The following ARAP3 variants were observed in gnomAD, a reference collection of about 807,000 sequenced individuals.
ARAP3 encodes ArfGAP with RhoGAP domain, ankyrin repeat and PH domain 3.
ARAP3 carries 82 observed loss-of-function variants against 169.2 expected under a neutral mutation model. The ratio of observed to expected loss-of-function variants is 0.48; its 90% confidence interval spans 0.41 to 0.58. ARAP3 has a LOEUF of 0.58. ARAP3 is among the 20% of genes least tolerant of loss of function. ARAP3 has a pLI of 0.00. For missense variants in ARAP3, 1,764 were observed against 2,018.0 expected (o/e 0.87, Z 2.41); for synonymous variants, 791 against 800.3 (o/e 0.99, Z 0.20).
At chr5:141,677,777 GTTTT>G (rs1004061457) in intron 4 of ARAP3, among the ~76,000 whole-genome samples, 1 of 140,016 alleles carries the variant, frequency 7.1e-6, no homozygotes, top group Non-Finnish European at 1.6e-5. Context: ...TTTTGTTTTT[GTTTT>G]TTTTGTTTTT....
chr5:141,658,489 G>C lies in ARAP3; in HGVS notation c.3412-10C>G. 1 of 1,614,070 alleles carries C rather than the reference G, an allele frequency of 6.2e-7. No homozygotes were observed. Among genetic ancestry groups the C allele is most frequent in the Non-Finnish European group, 8.5e-7 (1 of 1,179,968 alleles). On this transcript the variant is annotated splice_polypyrimidine_tract_variant and intron_variant, in intron 24 of 32. Coordinates refer to ENST00000239440, the MANE Select transcript of ARAP3 (RefSeq NM_022481.6). ...TCAGGGTTGGGGACACCTGGGGTCA[G>C]GGCAAGAGCAGAGAATTCATGCTGG...
Position 141,672,637 on chromosome 5 carries a change from T to A in ARAP3, c.1300A>T (p.Ile434Phe). The change falls in exon 9 of 33, where the codon ATC becomes TTC. Residue 434 changes from isoleucine to phenylalanine, a missense_variant. By Grantham distance (21) the Ile-to-Phe change is conservative. Transcript: ENST00000239440. This position sits in a 1 kb window ranked among gnomAD's most constrained non-coding sequence, Gnocchi z 4.9. Reference sequence around the variant, plus strand: ...CAGCCCTGCAGTTCGATGAAGCAGATCCCGATGCCCAGAGAGAAGGCCTGG... The same window carrying A: ...CAGCCCTGCAGTTCGATGAAGCAGAACCCGATGCCCAGAGAGAAGGCCTGG... ...SEQAFSLGIG[I>F]CFIELQGCSV... 1 of 1,613,888 alleles carries A rather than the reference T, an allele frequency of 6.2e-7. No homozygotes were observed. Among genetic ancestry groups the A allele is most frequent in the Non-Finnish European group, 8.5e-7 (1 of 1,179,868 alleles).
At chr5:141,673,309 A>G (rs2099911696) in intron 6 of ARAP3, 92 bp downstream of exon 6, 1 of 1,556,552 alleles carries the variant, frequency 6.4e-7, no homozygotes, top group Non-Finnish European at 8.8e-7. Context: ...CCCCGCCCAC[A>G]CACACAATGG....
rs575490176 is a variant in ARAP3, at chr5:141,675,681, C to A, written c.699-1873G>T. On this transcript the variant is annotated intron_variant, in intron 4 of 32. Transcript: ENST00000239440. ...GAGGTTGCAGTGAGCAGAGATCGAG[C>A]CACTGTACTCCAGCCTGGGCAACAG... 1.3e-4 allele frequency among the ~76,000 whole-genome samples: 19 copies of A among 151,974 alleles called. No individual in the cohort carries two copies. The South Asian group carries it at 3.7e-3, about 30-fold the overall frequency.
chr5:141,673,825 C>T lies in ARAP3; in HGVS notation c.699-17G>A. The T allele has an allele frequency of 6.2e-7, 1 of 1,612,942 alleles. No homozygotes were observed. Among genetic ancestry groups the T allele is most frequent in the South Asian group, 1.1e-5 (1 of 91,008 alleles). The stretch of plus-strand genomic sequence containing the variant: ...CTGCTGAGCCTTGTGGGGGCCAAGA[C>T]AGGGAGGGACACACATTAGACAAGT... On this transcript the variant is annotated splice_polypyrimidine_tract_variant and intron_variant, in intron 4 of 32. Coordinates refer to ENST00000239440, the MANE Select transcript of ARAP3 (RefSeq NM_022481.6).
chr5:141,658,770 C>T lies in ARAP3; in HGVS notation c.3337-117G>A, dbSNP rs55650667. On this transcript the variant is annotated intron_variant, in intron 23 of 32. Coordinates refer to ENST00000239440, the MANE Select transcript of ARAP3 (RefSeq NM_022481.6). ...TCTTCCAACAAAGGTCTCCTCCCAA[C>T]CCCAATGTCACTCAGGCTCTTAAAA... 518 of 864,302 alleles carry T rather than the reference C, an allele frequency of 6.0e-4. 2 individuals carry two copies. The African/African-American group carries it at 7.5e-3, about 13-fold the overall frequency. 53.5% of individuals were successfully genotyped at this position (864,302 alleles called of 1,614,324 possible). A position where few individuals can be genotyped will look rare whatever the true frequency, so the allele number is the denominator to read the frequency against.
At chr5:141,661,625 A>G in intron 21 of ARAP3, 59 bp downstream of exon 21, 1 of 1,460,838 alleles carries the variant, frequency 6.8e-7, no homozygotes, top group Non-Finnish European at 9.5e-7. Flanking sequence ...TAAATGAATG[A>G]AAGTGCAGGG....
chr5:141,657,791 T>C (rs2099909440), intron 25 of ARAP3, among the ~76,000 whole-genome samples: 1 of 152,076 alleles, frequency 6.6e-6, no homozygotes, highest in African/African-American at 2.4e-5. Flanking sequence ...TGTGGTACCA[T>C]TTACTGAGTT....
In ARAP3 at chr5:141,653,953, T is replaced by C; in HGVS notation, c.4632A>G (p.Thr1544=). The stretch of plus-strand genomic sequence containing the variant: ...TCTCAGACTGCTGGTCCTAGGGTCA[T>C]GTGAGGGGCTGGCTGGAGGGTGGAC... The part of the protein sequence containing the change: ...TSSPPSSQPL[T] The change falls in exon 33 of 33, where the codon ACA becomes ACG. Residue 1544 remains threonine, a synonymous_variant. Transcript: ENST00000239440. The C allele has an allele frequency of 1.3e-6, 2 of 1,527,086 alleles. No homozygotes were observed. Among genetic ancestry groups the C allele is most frequent in the Non-Finnish European group, 8.8e-7 (1 of 1,138,828 alleles). 94.6% of individuals were successfully genotyped at this position (1,527,086 alleles called of 1,614,324 possible).
chr5:141,673,654 G>C lies in ARAP3; in HGVS notation c.853C>G (p.Arg285Gly). Residue 285 changes from arginine (R) to glycine (G), a missense_variant, in exon 5 of 33, where the codon CGC becomes GGC. Around this residue, in one of 3 missense-constraint regions of ARAP3, gnomAD observed 630 missense variants for 678.7 expected, o/e 0.93. Coordinates refer to ENST00000239440, the MANE Select transcript of ARAP3 (RefSeq NM_022481.6). Reference protein sequence around the residue: ...PYASFSFTADRLTPLLSGWLD... With the variant: ...PYASFSFTADGLTPLLSGWLD... ...CAGCCACTGAGCAGGGGCGTGAGGCGGTCTGCCGTGAAGGAGAAGCTGGCA... is the reference window on the plus strand; with the variant it reads ...CAGCCACTGAGCAGGGGCGTGAGGCCGTCTGCCGTGAAGGAGAAGCTGGCA... 1 of 1,614,180 alleles carries C rather than the reference G, an allele frequency of 6.2e-7. No individual in the cohort carries two copies.
At chr5:141,680,670 C>T in intron 1 of ARAP3, 167 bp from the exon 2 acceptor site, 2 of 1,084,586 alleles carry the variant, frequency 1.8e-6, no homozygotes. Context: ...ACAGCAATGG[C>T]TCTCTACTTA....
chr5:141,669,751 A>G lies in ARAP3; in HGVS notation c.2310T>C (p.Asp770=). ...TCCAGGCCTCCAGACTGTCAGCTCC[A>G]TCTGTGCCAAAATGCTGGATCCTCC... ...AGGRIQHFGT[D]GADSLEAWTS... is the part of the protein sequence containing the mutation. The change falls in exon 16 of 33, where the codon GAT becomes GAC. Residue 770 remains aspartate, a synonymous_variant. Coordinates refer to ENST00000239440, the MANE Select transcript of ARAP3 (RefSeq NM_022481.6). The G allele has an allele frequency of 6.2e-7, 1 of 1,614,072 alleles. No homozygotes were observed. Among genetic ancestry groups the G allele is most frequent in the Non-Finnish European group, 8.5e-7 (1 of 1,179,986 alleles).
chr5:141,656,926 T>C, intron 25 of ARAP3, 80 bp from the exon 26 acceptor site: 1 of 1,504,196 alleles, frequency 6.6e-7, no homozygotes, highest in South Asian at 1.3e-5. Flanking sequence ...CATTCATTCA[T>C]CCATTCAACT....
At position 141,655,383 on chromosome 5, in the gene ARAP3, C is replaced by T. The variant is rs72792351; in HGVS notation, c.4128G>A (p.Arg1376=). The T allele has an allele frequency of 5.9e-3, 9,404 of 1,584,670 alleles. 34 individuals carry two copies. Among genetic ancestry groups the T allele is most frequent in the Non-Finnish European group, 6.7e-3 (7,779 of 1,165,094 alleles). The change falls in exon 32 of 33, where the codon CGG becomes CGA. Residue 1376 remains arginine (R), a synonymous_variant. Transcript: ENST00000239440. ...ANQTLRRLHN[R]RTLSMFFPMK... Reference sequence around the variant, plus strand: ...TCACAAAGAACATGGACAGGGTCCTCCGGTTGTGTAGTCGCCGCTGGACAC... The same window carrying T: ...TCACAAAGAACATGGACAGGGTCCTTCGGTTGTGTAGTCGCCGCTGGACAC...
At position 141,656,230 on chromosome 5, in the gene ARAP3, T is replaced by A. The variant is rs1290549129; in HGVS notation, c.3836A>T (p.Tyr1279Phe). The change falls in exon 28 of 33, where the codon TAC (tyrosine) becomes TTC (phenylalanine). Residue 1279 changes from tyrosine to phenylalanine, a missense_variant. Transcript: ENST00000239440. ...REWPLEGAKV[Y>F]LGIRKKLKPP... is the part of the protein sequence containing the mutation. The stretch of plus-strand genomic sequence containing the variant: ...CTTTAACTTCTTGCGGATTCCCAGG[T>A]AGACCTTGGCACCTTCCAAAGGCCA... 1 of 1,613,960 alleles carries A rather than the reference T, an allele frequency of 6.2e-7. No homozygotes were observed. The highest frequency in any genetic ancestry group is 1.3e-5 in the African/African-American group (1 of 74,872).
intron 1 of ARAP3, chr5:141,680,752 G>C: frequency 3.4e-6 from 2 of 590,440 alleles, no homozygotes; most frequent in South Asian, 4.8e-5. Context: ...CAGGTTCACA[G>C]TAAGTCAGTG....
At chr5:141,654,636 T>C (rs142654714) in intron 32 of ARAP3, among the ~76,000 whole-genome samples, 139 of 152,234 alleles carry the variant, frequency 9.1e-4, no homozygotes, top group African/African-American at 3.1e-3. Flanking sequence ...CATCACATAA[T>C]GAGTGAATGG....
At chr5:141,679,499 G>T in intron 4 of ARAP3, 46 bp downstream of exon 4, 1 of 1,575,434 alleles carries the variant, frequency 6.3e-7, no homozygotes, top group South Asian at 1.1e-5. Flanking sequence ...GGCCGCCACC[G>T]ACTCACCTGC....
rs1030590083 is a variant in ARAP3, at chr5:141,672,929, G to A, written c.1094-4C>T. ...GAGCACCACATGTCCCGCTGAGCTG[G>A]TGGGGATGGAGAAGCAGGTCAGTGG... On this transcript the variant is annotated splice_region_variant and splice_polypyrimidine_tract_variant and intron_variant, in intron 7 of 32. Transcript: ENST00000239440. This position sits in a 1 kb window ranked among gnomAD's most constrained non-coding sequence, Gnocchi z 4.9. 2 of 1,611,784 alleles carry A rather than the reference G, an allele frequency of 1.2e-6. No homozygotes were observed. The highest frequency in any genetic ancestry group is 1.7e-5 in the Admixed American group (1 of 59,860).
Sources: allele counts gnomAD v4.1 joint callset (sites outside exome capture counted in the v4.1 genomes callset), GRCh38; gene constraint gnomAD v4.1.1; regional missense constraint gnomAD v4.1.1; non-coding constraint Gnocchi (gnomAD v3.1); transcripts MANE v1.5; gene names NCBI Gene and HGNC (gene_info 2026-07-23, HGNC 2026-07-21).